NHSL1: variants seen among roughly 807,000 people sequenced by gnomAD.
NHSL1 encodes NHS like 1, also known as NHS-like protein 1.
Under a neutral mutation model 95.0 loss-of-function variants are expected in NHSL1, and 48 were observed. The observed-to-expected ratio is 0.51, with a 90% CI of 0.40 to 0.64. The LOEUF is 0.64. Among genes scored for constraint, NHSL1 ranks in the 30% least tolerant of loss-of-function variants. The pLI, the probability that NHSL1 is intolerant of heterozygous loss-of-function variation, is 0.00. For synonymous variants in NHSL1, 783 were observed against 833.9 expected (o/e 0.94, Z 1.05); for missense variants, 1,971 against 2,077.7 (o/e 0.95, Z 1.00).
intron 1 of NHSL1, among the ~76,000 whole-genome samples, chr6:138,626,950 CA>C (rs1051202820): frequency 4.4e-5 from 6 of 137,070 alleles, no homozygotes; most frequent in Admixed American, 1.5e-4. Context: ...TATAAGCAAT[CA>C]AGACTAAACA....
chr6:138,645,957 T>G (rs1176306278), intron 1 of NHSL1, among the ~76,000 whole-genome samples: 1 of 152,180 alleles, frequency 6.6e-6, no homozygotes, highest in Admixed American at 6.5e-5. Flanking sequence ...AATGAGTGTA[T>G]GATATAATCA....
rs560476202 is a variant in NHSL1 at position 138,664,302 on chromosome 6, C to G, written c.96+28174G>C. Among the ~76,000 whole-genome samples, 49 of 152,330 alleles carry G rather than the reference C, an allele frequency of 3.2e-4. No homozygotes were observed. The Middle Eastern group carries it at 0.017, about 53-fold the overall frequency. ...GCTAATCTTTCACTCAACAAACACA[C>G]AGTGACAAATTCTTACGCGCCAAGT... is the stretch of plus-strand genomic sequence containing the variant. On this transcript the variant is annotated intron_variant, in intron 1 of 3. Coordinates refer to the NHSL1 transcript ENST00000491526.
chr6:138,633,116 G>A (rs967305830), intron 1 of NHSL1, among the ~76,000 whole-genome samples: 2 of 152,034 alleles, frequency 1.3e-5, no homozygotes, highest in Non-Finnish European at 2.9e-5. Flanking sequence ...GCAGAAAAAG[G>A]AATTAGTTTG....
chr6:138,644,697 A>G (rs1784995104), intron 1 of NHSL1, among the ~76,000 whole-genome samples: 1 of 152,234 alleles, frequency 6.6e-6, no homozygotes, highest in South Asian at 2.1e-4. Context: ...CTGAGAGATA[A>G]GGAAATAGGG....
intron 1 of NHSL1, among the ~76,000 whole-genome samples, chr6:138,638,918 G>A (rs147708109): frequency 6.6e-6 from 1 of 152,318 alleles, no homozygotes; most frequent in Admixed American, 6.5e-5. Flanking sequence ...CCAGAAGTCA[G>A]GCCAAACCAG....
intron 1 of NHSL1, among the ~76,000 whole-genome samples, chr6:138,543,234 C>T (rs1782651763): frequency 6.6e-6 from 1 of 152,158 alleles, no homozygotes; most frequent in African/African-American, 2.4e-5. Flanking sequence ...GCCACAGAGA[C>T]CTTAGCTGAA....
chr6:138,547,418 T>C (rs945909880), upstream of NHSL1, among the ~76,000 whole-genome samples: 1 of 152,182 alleles, frequency 6.6e-6, no homozygotes, highest in Non-Finnish European at 1.5e-5. Flanking sequence ...TCTCACTCTG[T>C]TGCCCAGGCT....
intron 2 of NHSL1, among the ~76,000 whole-genome samples, chr6:138,489,024 G>A (rs940023898): frequency 1.8e-4 from 28 of 152,218 alleles, no homozygotes; most frequent in African/African-American, 6.8e-4. Context: ...TCATGTGGAT[G>A]AAATGAACCT....
At chr6:138,513,171 G>T (rs1031311243) in intron 1 of NHSL1, among the ~76,000 whole-genome samples, 1 of 152,180 alleles carries the variant, frequency 6.6e-6, no homozygotes, top group Non-Finnish European at 1.5e-5. Flanking sequence ...TTGTGAAAAT[G>T]GATACAATGG....
Position 138,432,262 on chromosome 6 carries a change from C to T in NHSL1, c.2083G>A (p.Val695Met), listed in dbSNP as rs1775744062. 6.4e-7 allele frequency: 1 copy of T among 1,550,726 alleles called. No homozygotes were observed. Among genetic ancestry groups the T allele is most frequent in the Non-Finnish European group, 8.7e-7 (1 of 1,146,548 alleles). ...GTGGCGATCAGGCTCTCGTTGAGCA[C>T]CTGCCCGTTGCACTGGCTGCTCTTC... The part of the protein sequence containing the change: ...PKKSSQCNGQ[V>M]LNESLIATLQ... Residue 695 changes from valine (V) to methionine (M), a missense_variant, in exon 6 of 8, where the codon GTG becomes ATG. Coordinates refer to ENST00000343505, the MANE Select transcript of NHSL1 (RefSeq NM_001144060.2). The surrounding 1 kb of genome is among the most constrained non-coding windows in gnomAD (Gnocchi z 4.4).
intron 5 of NHSL1, among the ~76,000 whole-genome samples, chr6:138,437,072 G>T (rs1011325081): frequency 6.6e-6 from 1 of 151,900 alleles, no homozygotes; most frequent in African/African-American, 2.4e-5. Flanking sequence ...AGGAGTTCGA[G>T]ACCAGCCTGA....
chr6:138,691,099 C>T (rs1356735259), intron 1 of NHSL1, among the ~76,000 whole-genome samples: 1 of 152,190 alleles, frequency 6.6e-6, no homozygotes, highest in Non-Finnish European at 1.5e-5. Flanking sequence ...TCGTGATTGC[C>T]GCATAGACCA....
At chr6:138,648,998 TAAG>T (rs769006495) in intron 1 of NHSL1, among the ~76,000 whole-genome samples, 18 of 152,248 alleles carry the variant, frequency 1.2e-4, no homozygotes, top group Non-Finnish European at 1.9e-4. Flanking sequence ...TTGGTAAAAT[TAAG>T]AAGGAGGTGT....
intron 1 of NHSL1, among the ~76,000 whole-genome samples, chr6:138,524,835 A>T (rs1781833066): frequency 6.6e-6 from 1 of 152,224 alleles, no homozygotes; most frequent in Non-Finnish European, 1.5e-5. Flanking sequence ...ACACAAAAAA[A>T]TATTGAAGGA....
chr6:138,500,105 A>G (rs1370957337), upstream of NHSL1, among the ~76,000 whole-genome samples: 1 of 152,198 alleles, frequency 6.6e-6, no homozygotes, highest in Non-Finnish European at 1.5e-5. Flanking sequence ...CCACCAAAAA[A>G]AATACAACTT....
chr6:138,549,083 C>T (rs2128331005), upstream of NHSL1, among the ~76,000 whole-genome samples: 1 of 152,150 alleles, frequency 6.6e-6, no homozygotes, highest in African/African-American at 2.4e-5. Flanking sequence ...TCACAGTGTC[C>T]TAATAAGAGA....
At chr6:138,480,457 G>A (rs568363738) in intron 2 of NHSL1, among the ~76,000 whole-genome samples, 2 of 152,290 alleles carry the variant, frequency 1.3e-5, no homozygotes, top group South Asian at 4.1e-4. Flanking sequence ...TTTCAAACAA[G>A]CACTGCAGTG....
At chr6:138,562,659 C>G (rs889531465) in intron 1 of NHSL1, among the ~76,000 whole-genome samples, 10 of 152,118 alleles carry the variant, frequency 6.6e-5, no homozygotes, top group Non-Finnish European at 1.3e-4. Context: ...AAGACTCTGT[C>G]TCACACACAA....
intron 1 of NHSL1, among the ~76,000 whole-genome samples, chr6:138,646,945 AATT>A (rs1170447710): frequency 2.6e-5 from 4 of 152,232 alleles, no homozygotes; most frequent in Non-Finnish European, 2.9e-5. Context: ...GAAATAAATG[AATT>A]ATGAGACATG....
Sources: gnomAD v4.1 joint callset for allele counts (sites outside exome capture counted in the v4.1 genomes callset) on GRCh38, gnomAD v4.1.1 for gene constraint, Gnocchi (gnomAD v3.1) non-coding constraint, MANE v1.5 for transcripts, NCBI Gene and HGNC (gene_info 2026-07-23, HGNC 2026-07-21) for gene names.